The following TCF7L2 variants were observed in gnomAD, a reference collection of about 807,000 sequenced individuals.
The protein encoded by TCF7L2 is transcription factor 7-like 2.
Under a neutral mutation model 77.9 loss-of-function variants are expected in TCF7L2, and 23 were observed. The observed-to-expected ratio is 0.30, with a 90% CI of 0.21 to 0.42. TCF7L2 has a LOEUF of 0.42. Ranked by LOEUF, TCF7L2 falls within the 10% of genes least tolerant of loss-of-function variation. The pLI is 1.00. For synonymous variants in TCF7L2, 413 were observed against 340.2 expected (o/e 1.21, Z -2.36); for missense variants, 654 against 793.1 (o/e 0.82, Z 2.11).
intron 5 of TCF7L2, among the ~76,000 whole-genome samples, chr10:113,052,911 C>T (rs368262613): frequency 1.3e-5 from 2 of 152,160 alleles, no homozygotes; most frequent in Non-Finnish European, 2.9e-5. Flanking sequence ...TCAATGTTAT[C>T]TAAACTTTTA....
intron 5 of TCF7L2, among the ~76,000 whole-genome samples, chr10:113,076,894 C>G (rs532599320): frequency 6.6e-6 from 1 of 152,232 alleles, no homozygotes; most frequent in African/African-American, 2.4e-5. Flanking sequence ...ACTCTTCCCC[C>G]TCCCCTGCAT....
intron 5 of TCF7L2, among the ~76,000 whole-genome samples, chr10:113,092,772 G>A (rs2060531495): frequency 6.6e-6 from 1 of 152,196 alleles, no homozygotes; most frequent in Non-Finnish European, 1.5e-5. Context: ...GCTGAGGCAG[G>A]AGAATTGCTT....
At chr10:113,089,507 C>G in intron 5 of TCF7L2, 5 of 1,613,896 alleles carry the variant, frequency 3.1e-6, no homozygotes, top group Non-Finnish European at 4.2e-6. Flanking sequence ...GGAGCCACTC[C>G]TTACAAAAAG....
intron 4 of TCF7L2, among the ~76,000 whole-genome samples, chr10:112,989,008 C>G (rs921159596): frequency 6.6e-6 from 1 of 152,106 alleles, no homozygotes; most frequent in African/African-American, 2.4e-5. Context: ...TGGGCCTTGT[C>G]TGAGGCTCGG....
rs914254553 is a variant in TCF7L2, at chr10:113,167,369, T to C, written c.*1397T>C. The C allele has an allele frequency of 3.1e-5, 7 of 226,042 alleles. No homozygotes were observed. The highest frequency in any genetic ancestry group is 1.6e-4 in the African/African-American group (7 of 44,936). The allele number at this position is 226,042 out of a possible 1,614,324, so 14.0% of individuals were successfully genotyped here. A position where few individuals can be genotyped will look rare whatever the true frequency, so the allele number is the denominator to read the frequency against. On this transcript the variant is annotated 3_prime_UTR_variant, in exon 14 of 14. Transcript: ENST00000627217. The stretch of plus-strand genomic sequence containing the variant: ...TTTAAAAATAAAAAAAACCTAGGCA[T>C]GTTGATGTTGCAAAATGCTGTATAA...
intron 5 of TCF7L2, among the ~76,000 whole-genome samples, chr10:113,046,324 C>T (rs1357365800): frequency 6.6e-6 from 1 of 152,130 alleles, no homozygotes; most frequent in African/African-American, 2.4e-5. Flanking sequence ...ACTGCCCTCC[C>T]CCGTTTTTTT....
At chr10:113,146,924 G>T (rs951263648) in intron 8 of TCF7L2, among the ~76,000 whole-genome samples, 1 of 151,986 alleles carries the variant, frequency 6.6e-6, no homozygotes, top group Admixed American at 6.6e-5. Context: ...GTGTGTGTGT[G>T]CTGTACATTC....
rs148113496 is a variant in TCF7L2 at position 113,040,681 on chromosome 10, C to CT, written c.552+558dup. ...TGGAATTTAATCTATACATCCATGGCTTTGAAAGTATGTAGGTTTGATAGA... is the reference window on the plus strand; with the variant it reads ...TGGAATTTAATCTATACATCCATGGCTTTTGAAAGTATGTAGGTTTGATAGA... On this transcript the variant is annotated intron_variant, in intron 5 of 13. Transcript: ENST00000627217. 8.8e-3 allele frequency among the ~76,000 whole-genome samples: 1,340 copies of CT among 152,240 alleles called. 54 individuals carry two copies. The highest frequency in any genetic ancestry group is 0.074 in the Admixed American group (1,127 of 15,292).
intron 12 of TCF7L2, 111 bp downstream of exon 12, chr10:113,158,180 G>T: frequency 2.6e-6 from 3 of 1,159,980 alleles, no homozygotes; most frequent in Non-Finnish European, 3.7e-6. Context: ...GGACATTGTG[G>T]GGGAACCCTT....
At chr10:113,126,738 G>A in intron 5 of TCF7L2, 4 of 985,856 alleles carry the variant, frequency 4.1e-6, no homozygotes, top group Non-Finnish European at 4.8e-6. Flanking sequence ...TGCCGCGGGT[G>A]CGCGGCGGCG....
intron 5 of TCF7L2, among the ~76,000 whole-genome samples, chr10:113,051,521 A>G (rs376592264): frequency 2.0e-5 from 3 of 152,372 alleles, no homozygotes; most frequent in African/African-American, 7.2e-5. Flanking sequence ...ATGCTAGAAC[A>G]TGAACTGATT....
rs1404028484 is a variant in TCF7L2 at position 113,167,089 on chromosome 10, A to G, written c.*1117A>G. 4.3e-6 allele frequency: 1 copy of G among 230,326 alleles called. No homozygotes were observed. The highest frequency in any genetic ancestry group is 8.6e-6 in the Non-Finnish European group (1 of 116,378). 14.3% of individuals were successfully genotyped at this position (230,326 alleles called of 1,614,324 possible). A position where few individuals can be genotyped will look rare whatever the true frequency, so the allele number is the denominator to read the frequency against. On this transcript the variant is annotated 3_prime_UTR_variant, in exon 14 of 14. Transcript: ENST00000627217. ...CTTTACGTGCCAAAATTCTCAGTGA[A>G]TTTAGCTTTCTCCCTCTTTTTGATG...
At chr10:112,971,058 T>C (rs1589826940) in intron 4 of TCF7L2, among the ~76,000 whole-genome samples, 1 of 152,306 alleles carries the variant, frequency 6.6e-6, no homozygotes, top group Middle Eastern at 3.4e-3. Context: ...CTAATTTAAG[T>C]CCATACCTCA....
At chr10:113,004,040 C>CA (rs2045019942) in intron 4 of TCF7L2, among the ~76,000 whole-genome samples, 1 of 152,208 alleles carries the variant, frequency 6.6e-6, no homozygotes, top group South Asian at 2.1e-4. Flanking sequence ...ACTGAAGAAA[C>CA]AGAGCCCTAG....
At chr10:113,126,736 G>A in intron 5 of TCF7L2, 2 of 985,840 alleles carry the variant, frequency 2.0e-6, no homozygotes, top group East Asian at 1.1e-4. Context: ...TGTGCCGCGG[G>A]TGCGCGGCGG....
intron 12 of TCF7L2, among the ~76,000 whole-genome samples, chr10:113,160,316 T>C (rs1024615294): frequency 3.9e-5 from 6 of 151,988 alleles, no homozygotes; most frequent in Admixed American, 1.3e-4. Flanking sequence ...CTGGCCTAGG[T>C]AGAAGCAAAT....
At chr10:112,992,041 C>G (rs1034799126) in intron 4 of TCF7L2, among the ~76,000 whole-genome samples, 2 of 152,206 alleles carry the variant, frequency 1.3e-5, no homozygotes, top group Non-Finnish European at 2.9e-5. Context: ...ACCTCATTGG[C>G]TACAAAGCAT....
In TCF7L2 at chr10:113,166,037, C is replaced by T. The variant is rs1051028657; in HGVS notation, c.*65C>T. On this transcript the variant is annotated 3_prime_UTR_variant, in exon 14 of 14. Coordinates refer to ENST00000627217, the MANE Select transcript of TCF7L2 (RefSeq NM_001146274.2). ...GTTTCACTTTTCTTAATTTGCCCCC[C>T]ACCCCCACCTTGAAAGGTTTTGTTT... The T allele has an allele frequency of 8.6e-6, 12 of 1,399,536 alleles. No individual in the cohort carries two copies. In the African/African-American group the frequency reaches 8.7e-5, roughly 10 times the overall value. 86.7% of individuals were successfully genotyped at this position (1,399,536 alleles called of 1,614,324 possible).
intron 5 of TCF7L2, among the ~76,000 whole-genome samples, chr10:113,059,190 A>G (rs1290709334): frequency 6.6e-6 from 1 of 151,844 alleles, no homozygotes; most frequent in African/African-American, 2.4e-5. Flanking sequence ...TTTCGGATGC[A>G]TTGGAGGACT....
Sources: gnomAD v4.1 joint callset for allele counts (sites outside exome capture counted in the v4.1 genomes callset) on GRCh38, gnomAD v4.1.1 for gene constraint, MANE v1.5 for transcripts, NCBI Gene and HGNC (gene_info 2026-07-23, HGNC 2026-07-21) for gene names.